The following CHRM3 variants were observed in gnomAD, a reference collection of about 807,000 sequenced individuals.
The protein encoded by CHRM3 is cholinergic receptor muscarinic 3.
In CHRM3, 11 loss-of-function variants were observed where a neutral mutation model predicts 41.8. The observed-to-expected ratio is 0.26, with a 90% CI of 0.17 to 0.44. The LOEUF (loss-of-function observed/expected upper bound fraction) is 0.44. Ranked by LOEUF, CHRM3 falls within the 20% of genes least tolerant of loss-of-function variation. CHRM3 has a pLI of 1.00. For synonymous variants in CHRM3, 297 were observed against 301.4 expected, an observed-to-expected ratio of 0.99 and a Z score of 0.15; for missense variants, 571 against 745.4, an observed-to-expected ratio of 0.77 and a Z score of 2.72.
At chr1:239,701,045 T>C (rs1472820665) in intron 5 of CHRM3, among the ~76,000 whole-genome samples, 1 of 152,236 alleles carries the variant, frequency 6.6e-6, no homozygotes, top group Non-Finnish European at 1.5e-5. Flanking sequence ...TTCTACCCTT[T>C]ACTTTTATTT....
chr1:239,622,991 A>G (rs1234456544), intron 3 of CHRM3, among the ~76,000 whole-genome samples: 1 of 152,052 alleles, frequency 6.6e-6, no homozygotes, highest in Non-Finnish European at 1.5e-5. Context: ...CAGCCTCCCC[A>G]GCTTTTGGCA....
intron 3 of CHRM3, among the ~76,000 whole-genome samples, chr1:239,562,615 C>G (rs1370309219): frequency 6.6e-6 from 1 of 152,020 alleles, no homozygotes; most frequent in Non-Finnish European, 1.5e-5. Flanking sequence ...TTGGGTCAGG[C>G]TTGGTGGCTC....
intron 5 of CHRM3, among the ~76,000 whole-genome samples, chr1:239,715,309 T>C (rs1343328873): frequency 6.6e-6 from 1 of 152,068 alleles, no homozygotes; most frequent in Non-Finnish European, 1.5e-5. Flanking sequence ...GAAGAGGAAA[T>C]AGGCTATGCA....
chr1:239,570,481 G>A (rs999588651), intron 3 of CHRM3, among the ~76,000 whole-genome samples: 5 of 152,172 alleles, frequency 3.3e-5, no homozygotes, highest in African/African-American at 1.2e-4. Context: ...AAGTAGTAGA[G>A]CTGTGATAGA....
At chr1:239,392,400 G>T (rs546611764) in intron 1 of CHRM3, among the ~76,000 whole-genome samples, 1 of 152,248 alleles carries the variant, frequency 6.6e-6, no homozygotes, top group East Asian at 1.9e-4. Context: ...ATTTGTTCTA[G>T]CCCAGTCCTA....
intron 5 of CHRM3, among the ~76,000 whole-genome samples, chr1:239,688,098 A>G (rs951653092): frequency 2.0e-5 from 3 of 151,854 alleles, no homozygotes; most frequent in Admixed American, 2.0e-4. Context: ...GGGAGTTTTG[A>G]TACTTTGTTA....
At chr1:239,796,000 A>G (rs1323804024) in intron 5 of CHRM3, among the ~76,000 whole-genome samples, 1 of 152,166 alleles carries the variant, frequency 6.6e-6, no homozygotes, top group African/African-American at 2.4e-5. Flanking sequence ...GGCTTGGGGA[A>G]CACTTTTCTT....
chr1:239,771,703 C>T (rs1667689384), intron 5 of CHRM3, among the ~76,000 whole-genome samples: 2 of 152,208 alleles, frequency 1.3e-5, no homozygotes, highest in Non-Finnish European at 2.9e-5. Context: ...CATAATTACT[C>T]AACTTTGCCC....
intron 2 of CHRM3, among the ~76,000 whole-genome samples, chr1:239,527,021 G>A (rs1670041150): frequency 6.6e-6 from 1 of 152,152 alleles, no homozygotes; most frequent in African/African-American, 2.4e-5. Context: ...TATACAGGAG[G>A]CTGAGGTGGG....
At chr1:239,708,741 T>C (rs1053347124) in intron 5 of CHRM3, among the ~76,000 whole-genome samples, 5 of 134,920 alleles carry the variant, frequency 3.7e-5, no homozygotes, top group Non-Finnish European at 6.4e-5. Context: ...ATTTTCTTTT[T>C]TTTTTTTTTT....
At chr1:239,634,767 C>T (rs1399837718) in intron 4 of CHRM3, among the ~76,000 whole-genome samples, 1 of 151,956 alleles carries the variant, frequency 6.6e-6, no homozygotes, top group Non-Finnish European at 1.5e-5. Flanking sequence ...GAGTAAGGCA[C>T]GGAGCTGACT....
chr1:239,521,123 G>A (rs762873783), intron 2 of CHRM3, among the ~76,000 whole-genome samples: 2 of 152,084 alleles, frequency 1.3e-5, no homozygotes, highest in Non-Finnish European at 2.9e-5. Context: ...ACATTTCTGT[G>A]GCAGCATCCA....
intron 1 of CHRM3, among the ~76,000 whole-genome samples, chr1:239,460,329 T>G (rs1665263688): frequency 6.6e-6 from 1 of 152,090 alleles, no homozygotes; most frequent in Non-Finnish European, 1.5e-5. Flanking sequence ...CATCATAATT[T>G]AAGGATTGAT....
At chr1:239,874,280 A>C (rs1201269732) in intron 6 of CHRM3, among the ~76,000 whole-genome samples, 1 of 119,938 alleles carries the variant, frequency 8.3e-6, no homozygotes, top group African/African-American at 3.8e-5. Context: ...ATATCTATAT[A>C]CACAGTATAT....
chr1:239,795,134 C>G (rs1049084649), intron 5 of CHRM3, among the ~76,000 whole-genome samples: 1 of 151,852 alleles, frequency 6.6e-6, no homozygotes, highest in Admixed American at 6.6e-5. Context: ...TTTTTTTTAA[C>G]TGAAAGAAAA....
intron 1 of CHRM3, among the ~76,000 whole-genome samples, chr1:239,447,947 C>T (rs1049369348): frequency 3.3e-5 from 5 of 152,094 alleles, no homozygotes; most frequent in Admixed American, 1.3e-4. Flanking sequence ...AGATCCATCC[C>T]AGCCACGTTG....
At chr1:239,613,342 AACT>A (rs578211465) in intron 3 of CHRM3, among the ~76,000 whole-genome samples, 11 of 152,392 alleles carry the variant, frequency 7.2e-5, no homozygotes, top group African/African-American at 2.6e-4. Context: ...CAGAACAAGT[AACT>A]TCAGAGCAGC....
chr1:239,565,235 A>G (rs888022186), intron 3 of CHRM3, among the ~76,000 whole-genome samples: 2 of 152,178 alleles, frequency 1.3e-5, no homozygotes, highest in African/African-American at 4.8e-5. Context: ...TAACATTTAT[A>G]GATTCTAGGG....
intron 5 of CHRM3, among the ~76,000 whole-genome samples, chr1:239,781,343 A>T (rs1420960202): frequency 1.3e-5 from 2 of 152,166 alleles, no homozygotes; most frequent in Non-Finnish European, 1.5e-5. Context: ...ATAGATTTAT[A>T]CCTATTTGGG....
Sources: gnomAD v4.1 joint callset for allele counts (sites outside exome capture counted in the v4.1 genomes callset) on GRCh38, gnomAD v4.1.1 for gene constraint, MANE v1.5 for transcripts, NCBI Gene and HGNC (gene_info 2026-07-23, HGNC 2026-07-21) for gene names.